AIRIM: variants seen among roughly 807,000 people sequenced by gnomAD.
AIRIM encodes the protein AFG2-interacting ribosome maturation factor.
At chr1:37,683,654 G>A in the AIRIM span, 5 of 478,254 alleles carry the variant, frequency 1.0e-5, no homozygotes, top group South Asian at 1.4e-4. Context: ...AACCATCCCT[G>A]AAATCTGGGA....
chr1:37,684,626 T>A, the AIRIM span, among the ~76,000 whole-genome samples: 2 of 151,908 alleles, frequency 1.3e-5, no homozygotes, highest in African/African-American at 4.8e-5. Context: ...TCTCAAAAAA[T>A]AAATAAATAA....
the AIRIM span, chr1:37,686,548 T>C: frequency 1.6e-6 from 2 of 1,266,184 alleles, no homozygotes; most frequent in East Asian, 5.0e-5. Context: ...ACTACATGAT[T>C]CTCTGTTGTG....
At chr1:37,686,590 G>A in the AIRIM span, 1 of 819,348 alleles carries the variant, frequency 1.2e-6, no homozygotes, top group Non-Finnish European at 1.9e-6. Flanking sequence ...AGGACGTGTA[G>A]GAGCATGCCT....
the AIRIM span, chr1:37,689,927 C>A: frequency 1.3e-6 from 2 of 1,500,334 alleles, no homozygotes; most frequent in Non-Finnish European, 1.8e-6. Flanking sequence ...GTTGGGGTGC[C>A]AAGTCAGTCG....
the AIRIM span, among the ~76,000 whole-genome samples, chr1:37,690,817 T>A: frequency 6.6e-6 from 1 of 152,210 alleles, no homozygotes; most frequent in Non-Finnish European, 1.5e-5. Context: ...TAATGACACT[T>A]TTGACATTGT....
chr1:37,690,610 A>C, the AIRIM span: 1 of 536,478 alleles, frequency 1.9e-6, no homozygotes, highest in Non-Finnish European at 2.8e-6. Context: ...TAGTGCCGCA[A>C]TGACTTCTGG....
chr1:37,685,007 A>AT, the AIRIM span, among the ~76,000 whole-genome samples: 7 of 151,732 alleles, frequency 4.6e-5, no homozygotes, highest in East Asian at 1.9e-4. Flanking sequence ...CAAAAAAAAA[A>AT]TTTTTTTGAG....
chr1:37,686,891 C>T, the AIRIM span, among the ~76,000 whole-genome samples: 10 of 152,032 alleles, frequency 6.6e-5, no homozygotes, highest in African/African-American at 2.2e-4. Flanking sequence ...CCCAAAACCC[C>T]GTCTCTACTA....
the AIRIM span, chr1:37,689,885 T>C: frequency 1.6e-5 from 25 of 1,539,576 alleles, no homozygotes; most frequent in African/African-American, 3.3e-4. Flanking sequence ...AGTCATCTTC[T>C]GCTGAAAAAG....
At chr1:37,689,724 G>A in the AIRIM span, 31 of 1,613,856 alleles carry the variant, frequency 1.9e-5, no homozygotes, top group Non-Finnish European at 2.5e-5. Context: ...CGCAGGTTCT[G>A]TGCGGCCTGC....
the AIRIM span, chr1:37,690,596 A>G: frequency 1.6e-6 from 1 of 629,222 alleles, no homozygotes; most frequent in Non-Finnish European, 2.3e-6. Context: ...GCGAAAATAT[A>G]TCGTAGTGCC....
the AIRIM span, among the ~76,000 whole-genome samples, chr1:37,685,640 A>T: frequency 2.0e-5 from 3 of 151,990 alleles, no homozygotes; most frequent in Admixed American, 2.0e-4. Context: ...CTCCCACCTC[A>T]GCTTCCCAAA....
chr1:37,683,420 T>C, the AIRIM span: 3 of 1,613,846 alleles, frequency 1.9e-6, no homozygotes, highest in Non-Finnish European at 2.5e-6. Context: ...CGAAAGAAGA[T>C]ACTTTCTCTT....
the AIRIM span, chr1:37,686,555 T>G: frequency 8.7e-7 from 1 of 1,145,764 alleles, no homozygotes; most frequent in Non-Finnish European, 1.2e-6. Context: ...GATTCTCTGT[T>G]GTGAAGGGCT....
chr1:37,686,262 G>C, the AIRIM span: 1 of 1,607,750 alleles, frequency 6.2e-7, no homozygotes, highest in African/African-American at 1.3e-5. Flanking sequence ...TGAAATGTGT[G>C]CAAAGGATAC....
chr1:37,690,069 T>G, the AIRIM span: 1 of 1,402,880 alleles, frequency 7.1e-7, no homozygotes, highest in Non-Finnish European at 9.3e-7. Context: ...CAGGCTGGAG[T>G]GCAGTGGCGC....
chr1:37,685,377 A>G, the AIRIM span, among the ~76,000 whole-genome samples: 1 of 142,010 alleles, frequency 7.0e-6, no homozygotes, highest in African/African-American at 2.6e-5. Context: ...GCCTGGCCCA[A>G]AATTCTTTTT....
chr1:37,689,706 C>T, the AIRIM span: 1 of 1,614,080 alleles, frequency 6.2e-7, no homozygotes, highest in Non-Finnish European at 8.5e-7. Flanking sequence ...GCCGGCACAT[C>T]CTCAAACCGC....
At chr1:37,685,861 G>C in the AIRIM span, among the ~76,000 whole-genome samples, 4 of 151,954 alleles carry the variant, frequency 2.6e-5, no homozygotes, top group South Asian at 2.1e-4. Context: ...CCTCTGCCTA[G>C]TAACTTTCTC....
Sources: allele counts gnomAD v4.1 joint callset (sites outside exome capture counted in the v4.1 genomes callset), GRCh38; gene constraint gnomAD v4.1.1; transcripts MANE v1.5; gene names NCBI Gene and HGNC (gene_info 2026-07-23, HGNC 2026-07-21).